The following BMP2 variants were observed in gnomAD, a reference collection of about 807,000 sequenced individuals.
The protein encoded by BMP2 is bone morphogenetic protein 2, also known as bone morphogenetic protein 2A.
BMP2 carries 2 observed loss-of-function variants against 28.8 expected under a neutral mutation model. The observed-to-expected ratio is 0.07, with a 90% confidence interval of 0.03 to 0.22. The LOEUF is 0.22. Among genes scored for constraint, BMP2 ranks in the 10% least tolerant of loss-of-function variants. BMP2 has a pLI of 1.00. For synonymous variants in BMP2, 218 were observed against 204.3 expected (o/e 1.07, Z -0.57); for missense variants, 437 against 517.7 (o/e 0.84, Z 1.51).
At chr20:6,773,180 C>G (rs757723558) in intron 2 of BMP2, among the ~76,000 whole-genome samples, 9 of 152,154 alleles carry the variant, frequency 5.9e-5, no homozygotes, top group Non-Finnish European at 8.8e-5. Flanking sequence ...GAGATTAACC[C>G]TCTTTCCACA....
At chr20:6,769,890 C>T (rs1986353816) in intron 1 of BMP2, among the ~76,000 whole-genome samples, 1 of 152,234 alleles carries the variant, frequency 6.6e-6, no homozygotes, top group South Asian at 2.1e-4. Flanking sequence ...TGATGTCAGA[C>T]GAGCTAAGCG....
intron 1 of BMP2, 51 bp from the exon 2 acceptor site, chr20:6,770,069 G>C: frequency 1.4e-6 from 2 of 1,476,152 alleles, no homozygotes; most frequent in Middle Eastern, 3.8e-4. Context: ...GGGCGCGAGG[G>C]GGGAGGACTG....
intron 2 of BMP2, among the ~76,000 whole-genome samples, chr20:6,771,190 A>AT (rs11463066): frequency 0.38 from 56,899 of 150,670 alleles, 10,920 homozygotes; most frequent in Middle Eastern, 0.46. Flanking sequence ...CGAAATGTGG[A>AT]TTTTTTTTTC....
At chr20:6,772,028 G>A (rs945904131) in intron 2 of BMP2, among the ~76,000 whole-genome samples, 4 of 152,048 alleles carry the variant, frequency 2.6e-5, no homozygotes, top group Non-Finnish European at 5.9e-5. Flanking sequence ...TAGCATGGAA[G>A]CTCTCAACTT....
rs775238777 is a variant in BMP2 at position 6,770,276 on chromosome 20, G to C, written c.150G>C (p.Leu50=). ...RPSSQPSDEV[L]SEFELRLLSM... ...CATCCCAGCCCTCTGACGAGGTCCTGAGCGAGTTCGAGTTGCGGCTGCTCA... is the reference window on the plus strand; with the variant it reads ...CATCCCAGCCCTCTGACGAGGTCCTCAGCGAGTTCGAGTTGCGGCTGCTCA... The change falls in exon 2 of 3, where the codon CTG becomes CTC. Residue 50 remains leucine, a synonymous_variant. Coordinates refer to ENST00000378827, the MANE Select transcript of BMP2 (RefSeq NM_001200.4). 9 of 1,613,170 alleles carry C rather than the reference G, an allele frequency of 5.6e-6. No individual in the cohort carries two copies. The African/African-American group carries it at 6.7e-5, about 12-fold the overall frequency.
intron 2 of BMP2, among the ~76,000 whole-genome samples, chr20:6,775,448 A>C (rs1358953705): frequency 6.6e-6 from 1 of 152,168 alleles, no homozygotes; most frequent in Non-Finnish European, 1.5e-5. Context: ...GGACCTTTCA[A>C]GAAACAGATT....
Position 6,769,140 on chromosome 20 carries a change from TTTTA to T in BMP2, c.-8+285_-8+288del, listed in dbSNP as rs201411076. Among the ~76,000 whole-genome samples the T allele has an allele frequency of 3.6e-4, 55 of 152,194 alleles. No individual in the cohort carries two copies. The East Asian group carries it at 7.9e-3, about 22-fold the overall frequency. On this transcript the variant is annotated intron_variant, in intron 1 of 2. Transcript: ENST00000378827. Reference sequence around the variant, plus strand: ...GAGCTGTTAACACTTAGATGAGGTGTTTTATTTATTTATTTATTTATTTTTAATT... The same window carrying T: ...GAGCTGTTAACACTTAGATGAGGTGTTTTATTTATTTATTTATTTTTAATT...
chr20:6,767,956 G>C lies in BMP2; in HGVS notation c.-927G>C, dbSNP rs1986284574. 2.5e-6 allele frequency: 1 copy of C among 395,722 alleles called. No individual in the cohort carries two copies. Among genetic ancestry groups the C allele is most frequent in the East Asian group, 3.6e-5 (1 of 27,858 alleles). The allele number at this position is 395,722 out of a possible 1,614,324, so 24.5% of individuals were successfully genotyped here. On this transcript the variant is annotated 5_prime_UTR_variant, in exon 1 of 3. Coordinates refer to ENST00000378827, the MANE Select transcript of BMP2 (RefSeq NM_001200.4). ...CACAGCGCCGTGGCCTCTGCTGCCC[G>C]GGCTGCGCCAGAGCCGCGGACGGGC...
rs1241505200 is a variant in BMP2, at chr20:6,767,960, T to G, written c.-923T>G. On this transcript the variant is annotated 5_prime_UTR_variant, in exon 1 of 3. Transcript: ENST00000378827. ...GCGCCGTGGCCTCTGCTGCCCGGGC[T>G]GCGCCAGAGCCGCGGACGGGCGCGC... 1 of 395,934 alleles carries G rather than the reference T, an allele frequency of 2.5e-6. No homozygotes were observed. The highest frequency in any genetic ancestry group is 4.5e-6 in the Non-Finnish European group (1 of 224,606). 24.5% of individuals were successfully genotyped at this position (395,934 alleles called of 1,614,324 possible).
In BMP2 at chr20:6,770,306, G is replaced by A. The variant is rs752982363; in HGVS notation, c.180G>A (p.Met60Ile). The A allele has an allele frequency of 2.5e-6, 4 of 1,613,324 alleles. No individual in the cohort carries two copies. Among genetic ancestry groups the A allele is most frequent in the Middle Eastern group, 1.6e-4 (1 of 6,084 alleles). Residue 60 changes from methionine to isoleucine, a missense_variant, in exon 2 of 3, where the codon ATG becomes ATA. Physicochemically the swap from Met to Ile is conservative, Grantham distance 10. Around this residue, in one of 2 missense-constraint regions of BMP2, gnomAD observed 363 missense variants for 392.8 expected, o/e 0.92. Transcript: ENST00000378827. Reference sequence around the variant, plus strand: ...AGTTCGAGTTGCGGCTGCTCAGCATGTTCGGCCTGAAACAGAGACCCACCC... The same window carrying A: ...AGTTCGAGTTGCGGCTGCTCAGCATATTCGGCCTGAAACAGAGACCCACCC... ...LSEFELRLLS[M>I]FGLKQRPTPS...
At position 6,779,056 on chromosome 20, in the gene BMP2, G is replaced by A; in HGVS notation, c.1158G>A (p.Gln386=). ...ENEKVVLKNY[Q]DMVVEGCGCR ...AAAAGGTTGTATTAAAGAACTATCA[G>A]GACATGGTTGTGGAGGGTTGTGGGT... is the stretch of plus-strand genomic sequence containing the variant. Residue 386 remains glutamine, a synonymous_variant, in exon 3 of 3, where the codon CAG becomes CAA. Coordinates refer to ENST00000378827, the MANE Select transcript of BMP2 (RefSeq NM_001200.4). 2 of 1,611,314 alleles carry A rather than the reference G, an allele frequency of 1.2e-6. No individual in the cohort carries two copies. The highest frequency in any genetic ancestry group is 8.5e-7 in the Non-Finnish European group (1 of 1,179,426).
chr20:6,772,808 C>A (rs1307263887), intron 2 of BMP2, among the ~76,000 whole-genome samples: 1 of 152,150 alleles, frequency 6.6e-6, no homozygotes, highest in Non-Finnish European at 1.5e-5. Context: ...TGTATTTTTC[C>A]TATTGAATTT....
intron 2 of BMP2, among the ~76,000 whole-genome samples, chr20:6,777,676 C>G (rs1986527078): frequency 6.6e-6 from 1 of 152,108 alleles, no homozygotes; most frequent in Non-Finnish European, 1.5e-5. Flanking sequence ...GTAGGGTGTG[C>G]TTTGCAAAAT....
chr20:6,776,658 G>A (rs528884788), intron 2 of BMP2, among the ~76,000 whole-genome samples: 4 of 152,260 alleles, frequency 2.6e-5, no homozygotes, highest in South Asian at 2.1e-4. Flanking sequence ...GAAGCTTTAC[G>A]GTGTACAAGC....
Position 6,770,158 on chromosome 20 carries a change from T to C in BMP2, c.32T>C (p.Leu11Ser). Residue 11 changes from leucine to serine, a missense_variant, in exon 2 of 3, where the codon TTG becomes TCG. This residue lies in a region of BMP2 where 363 missense variants were observed against 392.8 expected (regional missense o/e 0.92). Coordinates refer to ENST00000378827, the MANE Select transcript of BMP2 (RefSeq NM_001200.4). MVAGTRCLLA[L>S]LLPQVLLGGA... ...GCCGGGACCCGCTGTCTTCTAGCGT[T>C]GCTGCTTCCCCAGGTCCTCCTGGGC... 1 of 1,569,438 alleles carries C rather than the reference T, an allele frequency of 6.4e-7. No individual in the cohort carries two copies. The highest frequency in any genetic ancestry group is 8.6e-7 in the Non-Finnish European group (1 of 1,157,950).
At chr20:6,775,675 T>C (rs1413954764) in intron 2 of BMP2, among the ~76,000 whole-genome samples, 1 of 152,154 alleles carries the variant, frequency 6.6e-6, no homozygotes, top group Non-Finnish European at 1.5e-5. Context: ...ATTTAATTTT[T>C]TGGGAGGTTA....
chr20:6,774,180 C>G (rs188237262), intron 2 of BMP2, among the ~76,000 whole-genome samples: 129 of 151,536 alleles, frequency 8.5e-4, no homozygotes, highest in African/African-American at 3.1e-3. Context: ...TTGACTTTTG[C>G]TTAAGTTTTT....
At position 6,770,126 on chromosome 20, in the gene BMP2, C is replaced by G. The variant is rs1323886810; in HGVS notation, c.-1C>G. On this transcript the variant is annotated 5_prime_UTR_variant, in exon 2 of 3. Transcript: ENST00000378827. Reference sequence around the variant, plus strand: ...ACGTCGGTCCTGTCCGCAGGTCGACCATGGTGGCCGGGACCCGCTGTCTTC... The same window carrying G: ...ACGTCGGTCCTGTCCGCAGGTCGACGATGGTGGCCGGGACCCGCTGTCTTC... 4 of 1,541,062 alleles carry G rather than the reference C, an allele frequency of 2.6e-6. No individual in the cohort carries two copies. The East Asian group carries it at 9.7e-5, about 37-fold the overall frequency.
At chr20:6,770,544 C>G in intron 2 of BMP2, 72 bp downstream of exon 2, 1 of 1,447,114 alleles carries the variant, frequency 6.9e-7, no homozygotes, top group Non-Finnish European at 9.2e-7. Flanking sequence ...AGACTGCAGC[C>G]GTCCCTGTAG....
Sources: allele counts gnomAD v4.1 joint callset (sites outside exome capture counted in the v4.1 genomes callset), GRCh38; gene constraint gnomAD v4.1.1; regional missense constraint gnomAD v4.1.1; transcripts MANE v1.5; gene names NCBI Gene and HGNC (gene_info 2026-07-23, HGNC 2026-07-21).